Variants in FBN2 observed in about 807,000 individuals in gnomAD.
FBN2 encodes fibrillin-2.
A neutral mutation model predicts 355.6 loss-of-function variants in FBN2; 105 were observed. The observed-to-expected ratio is 0.30, with a 90% CI of 0.25 to 0.35. FBN2 has a LOEUF of 0.35. Among genes scored for constraint, FBN2 ranks in the 10% least tolerant of loss-of-function variants. The pLI is 1.00. For synonymous variants in FBN2, 1,350 were observed against 1,301.2 expected, an observed-to-expected ratio of 1.04 and a Z score of -0.81; for missense variants, 3,280 against 3,758.7, an observed-to-expected ratio of 0.87 and a Z score of 3.33.
At position 128,491,102 on chromosome 5, in the gene FBN2, C is replaced by G. The variant is rs544350215; in HGVS notation, c.629-26181G>C. On this transcript the variant is annotated intron_variant, in intron 5 of 64. Coordinates refer to ENST00000262464, the MANE Select transcript of FBN2 (RefSeq NM_001999.4). ...ATAATATGATGTGAACAGAGAAAAC[C>G]TAATGTTACAGATTTTCAGGTAAGG... Among the ~76,000 whole-genome samples the G allele has an allele frequency of 1.1e-4, 16 of 152,056 alleles. 1 individual carries two copies. The highest frequency in any genetic ancestry group is 3.9e-4 in the African/African-American group (16 of 41,464).
At chr5:128,265,729 C>T (rs937618978) in intron 62 of FBN2, among the ~76,000 whole-genome samples, 1 of 152,212 alleles carries the variant, frequency 6.6e-6, no homozygotes, top group Non-Finnish European at 1.5e-5. Context: ...TCTACCAGAA[C>T]GTTGTAAATT....
In FBN2 at chr5:128,274,619, C is replaced by T. The variant is rs763586091; in HGVS notation, c.7659G>A (p.Gly2553=). 4.3e-6 allele frequency: 7 copies of T among 1,609,364 alleles called. 1 individual carries two copies. Among genetic ancestry groups the T allele is most frequent in the Non-Finnish European group, 6.0e-6 (7 of 1,175,904 alleles). The part of the protein sequence containing the change: ...CQFLCVNTLG[G]FTCKCPPGFT... ...AACCAGGTGGACATTTACAGGTAAA[C>T]CCCCCCAGGGTGTTGACACAGAGGA... Residue 2553 remains glycine (G), a synonymous_variant, in exon 60 of 65, where the codon GGG becomes GGA. Coordinates refer to ENST00000262464, the MANE Select transcript of FBN2 (RefSeq NM_001999.4).
At chr5:128,269,663 C>A (rs1765215401) in intron 62 of FBN2, among the ~76,000 whole-genome samples, 1 of 152,102 alleles carries the variant, frequency 6.6e-6, no homozygotes, top group Non-Finnish European at 1.5e-5. Context: ...CGTAAGAATA[C>A]AGCAAACGAG....
At chr5:128,340,805 TTCTC>T (rs1253203873) in intron 25 of FBN2, among the ~76,000 whole-genome samples, 2 of 151,130 alleles carry the variant, frequency 1.3e-5, no homozygotes, top group African/African-American at 2.4e-5. Flanking sequence ...TGCTCTCTCT[TTCTC>T]TCTCTCTCCC....
At chr5:128,421,594 T>TAG (rs1342600134) in intron 7 of FBN2, among the ~76,000 whole-genome samples, 1 of 152,130 alleles carries the variant, frequency 6.6e-6, no homozygotes, top group Non-Finnish European at 1.5e-5. Flanking sequence ...TCTATGGGTA[T>TAG]AGACAGTTGA....
At chr5:128,431,426 C>T (rs1753624212) in intron 7 of FBN2, among the ~76,000 whole-genome samples, 1 of 152,154 alleles carries the variant, frequency 6.6e-6, no homozygotes, top group African/African-American at 2.4e-5. Context: ...ACGTCTTCTA[C>T]CCACAAATTT....
At chr5:128,512,270 C>T (rs951185570) in intron 5 of FBN2, among the ~76,000 whole-genome samples, 3 of 151,942 alleles carry the variant, frequency 2.0e-5, no homozygotes, top group African/African-American at 4.8e-5. Flanking sequence ...CCAGCACTTT[C>T]GGAGGCCGAG....
chr5:128,308,887 T>A (rs1192682260), intron 41 of FBN2, among the ~76,000 whole-genome samples: 3 of 152,236 alleles, frequency 2.0e-5, no homozygotes, highest in African/African-American at 7.2e-5. Flanking sequence ...ATATTATACT[T>A]TCCATGTCTA....
At chr5:128,482,087 C>G (rs1180395237) in intron 5 of FBN2, among the ~76,000 whole-genome samples, 6 of 152,248 alleles carry the variant, frequency 3.9e-5, no homozygotes, top group African/African-American at 1.4e-4. Context: ...AATATTGCTT[C>G]CTTTTCTAAA....
intron 48 of FBN2, among the ~76,000 whole-genome samples, chr5:128,296,598 C>T (rs1312096099): frequency 1.3e-5 from 2 of 152,086 alleles, no homozygotes; most frequent in Non-Finnish European, 2.9e-5. Context: ...TTATCCATTT[C>T]TTCTAGATTT....
intron 26 of FBN2, 41 bp downstream of exon 26, chr5:128,338,892 G>C (rs1225687326): frequency 2.5e-6 from 4 of 1,609,484 alleles, no homozygotes; most frequent in Non-Finnish European, 3.4e-6. Flanking sequence ...GTCTGTGCTA[G>C]TATGGTTTCA....
Position 128,531,738 on chromosome 5 carries a change from A to G in FBN2, c.338-1045T>C, listed in dbSNP as rs556320321. 2.1e-3 allele frequency among the ~76,000 whole-genome samples: 309 copies of G among 150,378 alleles called. 2 individuals are homozygous for G. Among genetic ancestry groups the G allele is most frequent in the African/African-American group, 7.3e-3 (300 of 41,064 alleles). ...TGTATGTGTGTATATATATATATAT[A>G]TATACACACACATATTTACTGGCTT... On this transcript the variant is annotated intron_variant, in intron 2 of 64. Coordinates refer to ENST00000262464, the MANE Select transcript of FBN2 (RefSeq NM_001999.4).
chr5:128,390,220 T>C (rs1305863064), intron 11 of FBN2, among the ~76,000 whole-genome samples: 5 of 152,198 alleles, frequency 3.3e-5, no homozygotes, highest in African/African-American at 1.2e-4. Context: ...ACTAACTCTC[T>C]CACTGTTAAA....
intron 2 of FBN2, among the ~76,000 whole-genome samples, chr5:128,532,426 A>G (rs934341662): frequency 2.0e-5 from 3 of 152,206 alleles, no homozygotes; most frequent in African/African-American, 7.2e-5. Flanking sequence ...TTCGAATGGG[A>G]AGTCTCTCCC....
At chr5:128,505,882 G>A (rs1431460462) in intron 5 of FBN2, among the ~76,000 whole-genome samples, 5 of 152,104 alleles carry the variant, frequency 3.3e-5, no homozygotes, top group African/African-American at 7.2e-5. Context: ...ATCTGCTGAT[G>A]GGCATTTGGG....
intron 36 of FBN2, among the ~76,000 whole-genome samples, chr5:128,315,712 G>A (rs1318319221): frequency 3.9e-5 from 6 of 151,990 alleles, no homozygotes; most frequent in Non-Finnish European, 8.8e-5. Context: ...TTAAATTTTG[G>A]TACAGAAACG....
At chr5:128,274,095 T>A in intron 60 of FBN2, 127 bp from the exon 61 acceptor site, 1 of 1,031,240 alleles carries the variant, frequency 9.7e-7, no homozygotes, top group Non-Finnish European at 1.5e-6. Context: ...TTTGGGAAAA[T>A]TTATACCAAA....
At chr5:128,316,967 T>C (rs974617314) in intron 36 of FBN2, among the ~76,000 whole-genome samples, 7 of 152,296 alleles carry the variant, frequency 4.6e-5, no homozygotes, top group African/African-American at 1.7e-4. Flanking sequence ...CTTTGCGAAC[T>C]GGGCGACTGC....
At chr5:128,489,908 C>A (rs1755453905) in intron 5 of FBN2, among the ~76,000 whole-genome samples, 1 of 152,142 alleles carries the variant, frequency 6.6e-6, no homozygotes, top group Non-Finnish European at 1.5e-5. Flanking sequence ...CATACATCTA[C>A]GGATGTACTA....
Sources: gnomAD v4.1 joint callset for allele counts (sites outside exome capture counted in the v4.1 genomes callset) on GRCh38, gnomAD v4.1.1 for gene constraint, MANE v1.5 for transcripts, NCBI Gene and HGNC (gene_info 2026-07-23, HGNC 2026-07-21) for gene names.